CMSS1: variants seen among roughly 807,000 people sequenced by gnomAD.
CMSS1 encodes the protein cms1 ribosomal small subunit homolog.
Under a neutral mutation model 43.5 loss-of-function variants are expected in CMSS1, and 33 were observed. The ratio of observed to expected loss-of-function variants is 0.76; its 90% CI spans 0.57 to 1.01. CMSS1 has a LOEUF of 1.01. CMSS1 is among the 50% of genes least tolerant of loss of function. The probability of loss-of-function intolerance (pLI) is 0.00; values close to 1 mark genes in which losing one functional copy is unlikely to be tolerated. For missense variants in CMSS1, 313 were observed against 326.4 expected, an observed-to-expected ratio of 0.96 and a Z score of 0.32; for synonymous variants, 115 against 117.2, an observed-to-expected ratio of 0.98 and a Z score of 0.12.
intron 1 of CMSS1, among the ~76,000 whole-genome samples, chr3:100,030,528 T>C (rs2065005995): frequency 6.6e-6 from 1 of 152,192 alleles, no homozygotes; most frequent in Non-Finnish European, 1.5e-5. Flanking sequence ...TAGTCTTTTC[T>C]CAGAACCTGT....
Position 100,016,904 on chromosome 3 carries a change from T to C in CMSS1, c.65-130069T>C, listed in dbSNP as rs527388908. ...GTGAGAATTAGTTGTGTCCAAAATA[T>C]CAATCAGAATATTTCCATCTAATTA... On this transcript the variant is annotated intron_variant, in intron 1 of 9. Transcript: ENST00000421999. Among the ~76,000 whole-genome samples, 9 of 152,356 alleles carry C rather than the reference T, an allele frequency of 5.9e-5. No individual in the cohort carries two copies. The South Asian group carries it at 1.9e-3, about 32-fold the overall frequency.
intron 1 of CMSS1, among the ~76,000 whole-genome samples, chr3:100,046,988 A>G (rs2065287995): frequency 1.3e-5 from 2 of 152,238 alleles, no homozygotes; most frequent in South Asian, 4.1e-4. Context: ...ATTTAAGTAA[A>G]TATAATAATT....
At chr3:100,011,584 T>C (rs1559724626) in intron 1 of CMSS1, 1 of 152,194 alleles carries the variant, frequency 6.6e-6, no homozygotes, top group Non-Finnish European at 1.5e-5. Flanking sequence ...TTAGCACTTA[T>C]TGTTGCTGAT....
chr3:100,056,780 G>A lies in CMSS1; in HGVS notation c.65-90193G>A, dbSNP rs141807863. Among the ~76,000 whole-genome samples, 687 of 151,676 alleles carry A rather than the reference G, an allele frequency of 4.5e-3. 7 individuals are homozygous for A. Among genetic ancestry groups the A allele is most frequent in the African/African-American group, 0.016 (669 of 41,384 alleles). On this transcript the variant is annotated intron_variant, in intron 1 of 9. Coordinates refer to ENST00000421999, the MANE Select transcript of CMSS1 (RefSeq NM_032359.4). ...TTTGGGAGGCCAAGGCAGGCCGGGCGGATCACGAGGTCAGGAGATCGAGAC... is the reference window on the plus strand; with the variant it reads ...TTTGGGAGGCCAAGGCAGGCCGGGCAGATCACGAGGTCAGGAGATCGAGAC...
At chr3:100,165,091 AC>A (rs1275022174) in intron 4 of CMSS1, among the ~76,000 whole-genome samples, 1 of 152,002 alleles carries the variant, frequency 6.6e-6, no homozygotes, top group African/African-American at 2.4e-5. Context: ...TCCCAGGCCC[AC>A]CCCCAAGAGA....
intron 1 of CMSS1, among the ~76,000 whole-genome samples, chr3:100,057,700 C>T (rs1231701160): frequency 6.6e-6 from 1 of 152,122 alleles, no homozygotes; most frequent in South Asian, 2.1e-4. Flanking sequence ...CCCCTGCTTG[C>T]CCGGGTGTTT....
intron 1 of CMSS1, among the ~76,000 whole-genome samples, chr3:99,879,883 T>C (rs1245445216): frequency 2.0e-5 from 3 of 152,128 alleles, no homozygotes; most frequent in Non-Finnish European, 2.9e-5. Flanking sequence ...CAGGATTGCA[T>C]AGGGAGAGGT....
At chr3:100,177,966 A>C (rs911483988) in intron 9 of CMSS1, among the ~76,000 whole-genome samples, 3 of 152,174 alleles carry the variant, frequency 2.0e-5, no homozygotes, top group Admixed American at 2.0e-4. Flanking sequence ...TAAAAATACA[A>C]AAATTAGCCA....
intron 1 of CMSS1, among the ~76,000 whole-genome samples, chr3:100,143,750 G>C (rs2066823824): frequency 1.3e-5 from 2 of 152,062 alleles, no homozygotes; most frequent in African/African-American, 4.8e-5. Context: ...CCTGCTGTTT[G>C]GTGCATACAC....
At position 100,179,163 on chromosome 3, in the gene CMSS1, A is replaced by G. The variant is rs1343446606; in HGVS notation, c.*775A>G. ...TCACCTTCCACCAGGTCCCTCCCCC[A>G]ACATTGGGAATTATAATTCAACATA... On this transcript the variant is annotated 3_prime_UTR_variant, in exon 10 of 10. Coordinates refer to ENST00000421999, the MANE Select transcript of CMSS1 (RefSeq NM_032359.4). 1.3e-5 allele frequency: 2 copies of G among 152,210 alleles called. No homozygotes were observed. The highest frequency in any genetic ancestry group is 2.9e-5 in the Non-Finnish European group (2 of 68,040). The allele number at this position is 152,210 out of a possible 1,614,324, so 9.4% of individuals were successfully genotyped here. A position where few individuals can be genotyped will look rare whatever the true frequency, so the allele number is the denominator to read the frequency against.
chr3:100,121,140 C>T (rs989744484), intron 1 of CMSS1, among the ~76,000 whole-genome samples: 5 of 151,954 alleles, frequency 3.3e-5, no homozygotes, highest in East Asian at 1.9e-4. Context: ...GTGTGCAGAA[C>T]GTTCTGTTTT....
At chr3:99,856,662 A>G (rs1943982032) in intron 1 of CMSS1, among the ~76,000 whole-genome samples, 1 of 152,106 alleles carries the variant, frequency 6.6e-6, no homozygotes, top group Admixed American at 6.6e-5. Flanking sequence ...CCAGTTCCTT[A>G]TTTTTTCAAA....
At chr3:100,113,623 G>A (rs532323557) in intron 1 of CMSS1, among the ~76,000 whole-genome samples, 174 of 152,258 alleles carry the variant, frequency 1.1e-3, no homozygotes, top group African/African-American at 3.9e-3. Context: ...AACCTATTCA[G>A]TATAATTCTC....
At chr3:100,034,019 A>G (rs1190087213) in intron 1 of CMSS1, among the ~76,000 whole-genome samples, 3 of 152,204 alleles carry the variant, frequency 2.0e-5, no homozygotes, top group Non-Finnish European at 2.9e-5. Flanking sequence ...GATTGAAGAA[A>G]CATGGTGCTA....
intron 1 of CMSS1, among the ~76,000 whole-genome samples, chr3:99,981,156 T>G (rs1215837957): frequency 6.6e-6 from 1 of 152,192 alleles, no homozygotes. Context: ...AAACACCCTG[T>G]GCTGGGATGT....
chr3:99,817,933 T>A lies in CMSS1; in HGVS notation c.-47T>A, dbSNP rs11537815. 1.9e-6 allele frequency: 3 copies of A among 1,596,586 alleles called. No individual in the cohort carries two copies. Among genetic ancestry groups the A allele is most frequent in the Non-Finnish European group, 2.6e-6 (3 of 1,164,796 alleles). On this transcript the variant is annotated 5_prime_UTR_variant, in exon 1 of 10. Coordinates refer to ENST00000421999, the MANE Select transcript of CMSS1 (RefSeq NM_032359.4). Reference sequence around the variant, plus strand: ...TTGAGACAACGTGATTCTCCGCAGCTGGTCGCCTACCCGTGATGTTCTGCC... The same window carrying A: ...TTGAGACAACGTGATTCTCCGCAGCAGGTCGCCTACCCGTGATGTTCTGCC...
intron 1 of CMSS1, among the ~76,000 whole-genome samples, chr3:100,096,192 A>G (rs549800555): frequency 2.0e-5 from 3 of 152,202 alleles, no homozygotes; most frequent in Non-Finnish European, 1.5e-5. Flanking sequence ...CACTGTGGAC[A>G]ACAGTTTGGA....
chr3:100,117,176 T>C (rs1376673450), intron 1 of CMSS1, among the ~76,000 whole-genome samples: 1 of 152,200 alleles, frequency 6.6e-6, no homozygotes, highest in Non-Finnish European at 1.5e-5. Context: ...ATCTAGTGGA[T>C]TATTTTTATT....
At chr3:100,051,462 C>G (rs2065371250) in intron 1 of CMSS1, among the ~76,000 whole-genome samples, 1 of 150,758 alleles carries the variant, frequency 6.6e-6, no homozygotes, top group African/African-American at 2.4e-5. Flanking sequence ...CTCATTAACT[C>G]GTCATTTAAC....
Sources: gnomAD v4.1 joint callset for allele counts (sites outside exome capture counted in the v4.1 genomes callset) on GRCh38, gnomAD v4.1.1 for gene constraint, MANE v1.5 for transcripts, NCBI Gene and HGNC (gene_info 2026-07-23, HGNC 2026-07-21) for gene names.